The following ZNRF3 variants were observed in gnomAD, a reference collection of about 807,000 sequenced individuals.
ZNRF3 encodes the protein zinc and ring finger 3, also known as E3 ubiquitin-protein ligase ZNRF3.
ZNRF3 carries 23 observed loss-of-function variants against 72.5 expected under a neutral mutation model. The ratio of observed to expected loss-of-function variants is 0.32; its 90% confidence interval spans 0.23 to 0.45. The LOEUF (loss-of-function observed/expected upper bound fraction) is 0.45. Ranked by LOEUF, ZNRF3 falls within the 20% of genes least tolerant of loss-of-function variation. The pLI, the probability that ZNRF3 is intolerant of heterozygous loss-of-function variation, is 1.00. For synonymous variants in ZNRF3, 610 were observed against 545.3 expected (o/e 1.12, Z -1.65); for missense variants, 1,169 against 1,272.1 (o/e 0.92, Z 1.23).
rs118046976 is a variant in ZNRF3 at position 29,017,112 on chromosome 22, G to A, written c.427-25383G>A. ...GCAGAGCTCTGTCAGTTTTATGAAA[G>A]CCAAAAATGCATTAGCCACACAGGG... On this transcript the variant is annotated intron_variant, in intron 2 of 8. Transcript: ENST00000544604. Among the ~76,000 whole-genome samples the A allele has an allele frequency of 1.8e-3, 269 of 152,296 alleles. 8 individuals are homozygous for A. The East Asian group carries it at 0.046, about 26-fold the overall frequency.
rs750818203 is a variant in ZNRF3, at chr22:29,049,732, G to A, written c.1551G>A (p.Pro517=). Residue 517 remains proline, a synonymous_variant, in exon 8 of 9, where the codon CCG becomes CCA. Transcript: ENST00000544604. The surrounding 1 kb of genome is among the most constrained non-coding windows in gnomAD (Gnocchi z 5.2). Reference sequence around the variant, plus strand: ...TCCCCACCGTGGTGCACGTGGCCCCGCCCTCCCACCTGGAGAGCGGCAGCA... The same window carrying A: ...TCCCCACCGTGGTGCACGTGGCCCCACCCTCCCACCTGGAGAGCGGCAGCA... ...LLFPTVVHVA[P]PSHLESGSTS... is the part of the protein sequence containing the mutation. The A allele has an allele frequency of 2.3e-5, 36 of 1,597,656 alleles. No homozygotes were observed. Among genetic ancestry groups the A allele is most frequent in the Non-Finnish European group, 2.9e-5 (34 of 1,171,454 alleles).
At chr22:28,888,529 C>G (rs1270370375) in intron 1 of ZNRF3, among the ~76,000 whole-genome samples, 3 of 152,110 alleles carry the variant, frequency 2.0e-5, no homozygotes, top group Non-Finnish European at 4.4e-5. Flanking sequence ...TTCTTAGAGC[C>G]CCTTATTTTC....
At chr22:29,051,016 A>G in intron 8 of ZNRF3, 68 bp downstream of exon 8, 2 of 1,472,078 alleles carry the variant, frequency 1.4e-6, no homozygotes, top group African/African-American at 1.4e-5. Context: ...CTTCTGTCTT[A>G]GGCATTTTCT....
intron 2 of ZNRF3, among the ~76,000 whole-genome samples, chr22:29,033,202 T>A (rs1005651688): frequency 1.3e-5 from 2 of 151,862 alleles, no homozygotes; most frequent in East Asian, 3.9e-4. Flanking sequence ...GTAGAAAAAA[T>A]TAGCCGGGCA....
intron 1 of ZNRF3, among the ~76,000 whole-genome samples, chr22:28,904,394 T>C (rs529105998): frequency 6.6e-6 from 1 of 152,346 alleles, no homozygotes; most frequent in African/African-American, 2.4e-5. Flanking sequence ...ACTCAACTGC[T>C]CGTTCACTTT....
chr22:29,050,735 C>T lies in ZNRF3; in HGVS notation c.2554C>T (p.Leu852Phe), dbSNP rs1279256600. Residue 852 changes from leucine (L) to phenylalanine (F), a missense_variant, in exon 8 of 9, where the codon CTC (leucine) becomes TTC (phenylalanine). Coordinates refer to ENST00000544604, the MANE Select transcript of ZNRF3 (RefSeq NM_001206998.2). ...LPSDCQGTHS[L>F]GSWGGTRGPD... ...CTCGGACTGCCAAGGGACCCACAGC[C>T]TCGGCTCCTGGGGTGGGACGCGAGG... 6.2e-7 allele frequency: 1 copy of T among 1,610,382 alleles called. No individual in the cohort carries two copies. The highest frequency in any genetic ancestry group is 8.5e-7 in the Non-Finnish European group (1 of 1,178,696).
chr22:29,006,825 C>T (rs2036258729), intron 2 of ZNRF3, among the ~76,000 whole-genome samples: 1 of 152,194 alleles, frequency 6.6e-6, no homozygotes, highest in Non-Finnish European at 1.5e-5. Context: ...TCTTCTCTGG[C>T]CACATGTAGC....
intron 1 of ZNRF3, among the ~76,000 whole-genome samples, chr22:28,932,353 G>T (rs2034722090): frequency 6.6e-6 from 1 of 152,078 alleles, no homozygotes; most frequent in Non-Finnish European, 1.5e-5. Context: ...AATGTAACTG[G>T]TTGCCTCTTT....
chr22:29,041,296 C>T (rs1167077684), intron 2 of ZNRF3, among the ~76,000 whole-genome samples: 1 of 152,138 alleles, frequency 6.6e-6, no homozygotes, highest in Non-Finnish European at 1.5e-5. Flanking sequence ...TTACGTCCTG[C>T]CACACCCAGC....
In ZNRF3 at chr22:29,050,152, G is replaced by A; in HGVS notation, c.1971G>A (p.Gln657=). 1 of 1,604,590 alleles carries A rather than the reference G, an allele frequency of 6.2e-7. No homozygotes were observed. Among genetic ancestry groups the A allele is most frequent in the Non-Finnish European group, 8.5e-7 (1 of 1,179,850 alleles). The change falls in exon 8 of 9, where the codon CAG becomes CAA. Residue 657 remains glutamine (Q), a synonymous_variant. Coordinates refer to ENST00000544604, the MANE Select transcript of ZNRF3 (RefSeq NM_001206998.2). The stretch of plus-strand genomic sequence containing the variant: ...GCCCTGCCTCTCCCTCGGGGGATCA[G>A]GTGTCCACCTGCAGCCTGGAGATGA... The part of the protein sequence containing the change: ...WPGPASPSGD[Q]VSTCSLEMNY...
chr22:28,920,780 G>A (rs1407464101), intron 1 of ZNRF3, among the ~76,000 whole-genome samples: 8 of 152,208 alleles, frequency 5.3e-5, no homozygotes, highest in African/African-American at 1.9e-4. Flanking sequence ...AGGGATTGAC[G>A]GGTAGCCTGT....
At chr22:28,943,219 G>T (rs1168901636) in intron 1 of ZNRF3, among the ~76,000 whole-genome samples, 1 of 151,066 alleles carries the variant, frequency 6.6e-6, no homozygotes, top group Non-Finnish European at 1.5e-5. Context: ...TCCTCCCCCA[G>T]TGCCTCCCCC....
chr22:28,941,797 G>C (rs907354186), intron 1 of ZNRF3, among the ~76,000 whole-genome samples: 5 of 152,110 alleles, frequency 3.3e-5, no homozygotes, highest in African/African-American at 9.7e-5. Context: ...TGTAATCCCA[G>C]CTACTCGGGA....
chr22:29,042,204 C>G (rs1166687089), intron 2 of ZNRF3, among the ~76,000 whole-genome samples: 1 of 152,206 alleles, frequency 6.6e-6, no homozygotes, highest in Admixed American at 6.5e-5. Context: ...GTATAGTGAT[C>G]AGATCAGGGT....
At chr22:28,893,766 G>C (rs979447522) in intron 1 of ZNRF3, among the ~76,000 whole-genome samples, 3 of 152,332 alleles carry the variant, frequency 2.0e-5, no homozygotes, top group Admixed American at 1.3e-4. Context: ...CCAAAGTGCT[G>C]GGATTATAGG....
At chr22:28,962,636 T>G (rs2035384992) in intron 1 of ZNRF3, among the ~76,000 whole-genome samples, 1 of 152,234 alleles carries the variant, frequency 6.6e-6, no homozygotes, top group Admixed American at 6.5e-5. Context: ...TACACTGTTG[T>G]GTGTGTCAGC....
chr22:28,906,391 C>T (rs2123757065), intron 1 of ZNRF3, among the ~76,000 whole-genome samples: 1 of 152,224 alleles, frequency 6.6e-6, no homozygotes, highest in South Asian at 2.1e-4. Context: ...CAGAGCTGAC[C>T]AGATTCTTGC....
intron 1 of ZNRF3, among the ~76,000 whole-genome samples, chr22:28,959,801 G>A (rs1016057337): frequency 2.3e-4 from 35 of 152,166 alleles, no homozygotes; most frequent in Non-Finnish European, 1.8e-4. Flanking sequence ...GGACACCAGG[G>A]AGCTTGCTCT....
chr22:29,014,376 C>A (rs57305931), intron 2 of ZNRF3, among the ~76,000 whole-genome samples: 1,576 of 152,266 alleles, frequency 0.01, 28 homozygotes, highest in African/African-American at 0.037. Context: ...AGTCCCCCGG[C>A]CTGCAGGAGT....
Sources: gnomAD v4.1 joint callset for allele counts (sites outside exome capture counted in the v4.1 genomes callset) on GRCh38, gnomAD v4.1.1 for gene constraint, Gnocchi (gnomAD v3.1) non-coding constraint, MANE v1.5 for transcripts, NCBI Gene and HGNC (gene_info 2026-07-23, HGNC 2026-07-21) for gene names.